OXR1: variants seen among roughly 807,000 people sequenced by gnomAD.
OXR1 encodes oxidation resistance 1.
Under a neutral mutation model 104.6 loss-of-function variants are expected in OXR1, and 41 were observed. That is an observed-to-expected ratio of 0.39 (90% CI 0.31 to 0.51). The LOEUF is 0.51. Ranked by LOEUF, OXR1 falls within the 20% of genes least tolerant of loss-of-function variation. The pLI is 0.77. For missense variants in OXR1, 955 were observed against 1,031.9 expected (o/e 0.93, Z 1.02); for synonymous variants, 348 against 348.4 (o/e 1.00, Z 0.01).
chr8:106,623,329 A>T (rs1470567055), intron 3 of OXR1, among the ~76,000 whole-genome samples: 1 of 152,120 alleles, frequency 6.6e-6, no homozygotes, highest in Non-Finnish European at 1.5e-5. Flanking sequence ...TTTTAAAAGC[A>T]ACCCTAATCC....
At chr8:106,316,768 CT>C (rs748927046) in intron 1 of OXR1, among the ~76,000 whole-genome samples, 3 of 143,784 alleles carry the variant, frequency 2.1e-5, no homozygotes, top group East Asian at 4.2e-4. Flanking sequence ...ATCTATCTAT[CT>C]ATCTATTGCT....
chr8:106,313,385 G>A (rs1023516447), intron 1 of OXR1, among the ~76,000 whole-genome samples: 5 of 152,074 alleles, frequency 3.3e-5, no homozygotes, highest in African/African-American at 7.2e-5. Flanking sequence ...TATAATTAGG[G>A]TACAGCATAT....
chr8:106,547,004 C>T (rs1815408277), intron 3 of OXR1, among the ~76,000 whole-genome samples: 1 of 152,188 alleles, frequency 6.6e-6, no homozygotes, highest in Non-Finnish European at 1.5e-5. Flanking sequence ...AATTCTCCTG[C>T]CTCAGCCTAC....
At chr8:106,686,092 A>G (rs1359339071) in intron 6 of OXR1, among the ~76,000 whole-genome samples, 1 of 152,162 alleles carries the variant, frequency 6.6e-6, no homozygotes, top group African/African-American at 2.4e-5. Flanking sequence ...GCAAAGGCAT[A>G]AGAATGATAT....
intron 1 of OXR1, among the ~76,000 whole-genome samples, chr8:106,318,720 A>G (rs1010825536): frequency 2.6e-5 from 4 of 152,176 alleles, no homozygotes; most frequent in Non-Finnish European, 4.4e-5. Context: ...TCCTTTGTTC[A>G]TATCACAAGT....
chr8:106,743,376 C>T (rs1200765336), intron 15 of OXR1, among the ~76,000 whole-genome samples: 1 of 152,188 alleles, frequency 6.6e-6, no homozygotes, highest in Non-Finnish European at 1.5e-5. Context: ...GGCTGGAGTG[C>T]AGTGGCATGA....
intron 3 of OXR1, among the ~76,000 whole-genome samples, chr8:106,658,714 G>T (rs1266010729): frequency 6.6e-6 from 1 of 152,170 alleles, no homozygotes; most frequent in Non-Finnish European, 1.5e-5. Context: ...ATTTTGCGTC[G>T]TGTACTTTTT....
chr8:106,742,307 C>T lies in OXR1; in HGVS notation c.2402C>T (p.Pro801Leu), dbSNP rs369300182. Residue 801 changes from proline (P) to leucine (L), a missense_variant, in exon 15 of 17, where the codon CCG (proline) becomes CTG (leucine). Physicochemically the swap from Pro to Leu is moderately conservative, Grantham distance 98. Around this residue, in one of 2 missense-constraint regions of OXR1, gnomAD observed 106 missense variants for 179.0 expected, o/e 0.59. Coordinates refer to ENST00000517566, the MANE Select transcript of OXR1 (RefSeq NM_001198533.2). ...GAGACCTTTGTTTTTACATTCTGTC[C>T]GGAGTTTGAGGTAAGAACCACTATT... ...TGETFVFTFC[P>L]EFEVFKWTGD... The T allele has an allele frequency of 7.8e-5, 125 of 1,598,940 alleles. No individual in the cohort carries two copies. Among genetic ancestry groups the T allele is most frequent in the East Asian group, 2.5e-4 (11 of 44,706 alleles).
chr8:106,364,299 G>A (rs1033104381), intron 2 of OXR1, among the ~76,000 whole-genome samples: 5 of 151,928 alleles, frequency 3.3e-5, no homozygotes, highest in Non-Finnish European at 5.9e-5. Flanking sequence ...TTTTTTTTAG[G>A]CTGGGTGCAG....
rs560476907 is a variant in OXR1, at chr8:106,702,045, C to T, written c.676-861C>T. ...AGTGCAGTGGTGTGATTTCAGCTCA[C>T]TGCAACCTCTGCCTCATGGGTTCAA... On this transcript the variant is annotated intron_variant, in intron 7 of 16. Coordinates refer to ENST00000517566, the MANE Select transcript of OXR1 (RefSeq NM_001198533.2). Among the ~76,000 whole-genome samples the T allele has an allele frequency of 3.3e-5, 5 of 152,314 alleles. No individual in the cohort carries two copies. In the East Asian group the frequency reaches 9.6e-4, roughly 29 times the overall value.
At chr8:106,542,384 T>A (rs1457882932) in intron 3 of OXR1, among the ~76,000 whole-genome samples, 1 of 152,166 alleles carries the variant, frequency 6.6e-6, no homozygotes, top group Non-Finnish European at 1.5e-5. Flanking sequence ...AGATGGATTT[T>A]TGTTCATCTT....
intron 3 of OXR1, among the ~76,000 whole-genome samples, chr8:106,584,868 T>A (rs776307157): frequency 7.9e-5 from 12 of 152,076 alleles, no homozygotes; most frequent in Non-Finnish European, 1.5e-4. Context: ...CTGGTGCAGG[T>A]CTGAGAAAAT....
chr8:106,698,204 A>G (rs915215321), intron 7 of OXR1, among the ~76,000 whole-genome samples: 3 of 152,154 alleles, frequency 2.0e-5, no homozygotes, highest in Non-Finnish European at 4.4e-5. Context: ...TCTTTTCAGA[A>G]CTTTAAAAAT....
intron 2 of OXR1, chr8:106,447,881 C>A: frequency 6.7e-7 from 1 of 1,487,104 alleles, no homozygotes; most frequent in Non-Finnish European, 8.9e-7. Flanking sequence ...ACTAGCCCCA[C>A]CCCCCAACAG....
intron 3 of OXR1, among the ~76,000 whole-genome samples, chr8:106,600,711 G>A (rs1586877064): frequency 6.6e-6 from 1 of 152,158 alleles, no homozygotes; most frequent in African/African-American, 2.4e-5. Flanking sequence ...ACTGTACAAT[G>A]TGATCTTACT....
intron 1 of OXR1, among the ~76,000 whole-genome samples, chr8:106,271,400 G>A (rs1036931808): frequency 1.3e-5 from 2 of 152,082 alleles, no homozygotes; most frequent in Admixed American, 1.3e-4. Flanking sequence ...TGCAGTGTAG[G>A]GTCTGAATGT....
intron 1 of OXR1, among the ~76,000 whole-genome samples, chr8:106,298,192 T>G (rs1189165319): frequency 1.3e-5 from 2 of 152,186 alleles, no homozygotes; most frequent in African/African-American, 2.4e-5. Flanking sequence ...TCTGTTCTTA[T>G]GCTGCTAACA....
intron 1 of OXR1, among the ~76,000 whole-genome samples, chr8:106,356,736 TAATA>T (rs1473060634): frequency 1.1e-5 from 1 of 88,798 alleles, no homozygotes; most frequent in Non-Finnish European, 2.1e-5. Context: ...GCAAAAATAA[TAATA>T]AAAAAAAAGG....
At chr8:106,562,589 G>A (rs191879481) in intron 3 of OXR1, among the ~76,000 whole-genome samples, 198 of 152,200 alleles carry the variant, frequency 1.3e-3, no homozygotes, top group African/African-American at 4.5e-3. Flanking sequence ...TAGCAAGATA[G>A]GCCAATATTC....
Sources: allele counts gnomAD v4.1 joint callset (sites outside exome capture counted in the v4.1 genomes callset), GRCh38; gene constraint gnomAD v4.1.1; regional missense constraint gnomAD v4.1.1; transcripts MANE v1.5; gene names NCBI Gene and HGNC (gene_info 2026-07-23, HGNC 2026-07-21).